SLC35F4: variants seen among roughly 807,000 people sequenced by gnomAD.
SLC35F4 encodes solute carrier family 35 member F4.
In SLC35F4, 24 loss-of-function variants were observed where a neutral mutation model predicts 44.2. That is an observed-to-expected ratio of 0.54 (90% CI 0.39 to 0.76). SLC35F4 has a LOEUF of 0.76. Among genes scored for constraint, SLC35F4 ranks in the 30% least tolerant of loss-of-function variants. SLC35F4 has a pLI of 0.00. For synonymous variants in SLC35F4, 238 were observed against 223.6 expected (o/e 1.06, Z -0.57); for missense variants, 562 against 586.1 (o/e 0.96, Z 0.42).
chr14:57,933,513 T>C (rs1209888561), intron 1 of SLC35F4, among the ~76,000 whole-genome samples: 1 of 152,200 alleles, frequency 6.6e-6, no homozygotes, highest in Non-Finnish European at 1.5e-5. Context: ...TGGATACTGC[T>C]TCTTCTCTTA....
At chr14:57,840,613 C>T (rs561735278) in intron 1 of SLC35F4, among the ~76,000 whole-genome samples, 1 of 152,224 alleles carries the variant, frequency 6.6e-6, no homozygotes, top group South Asian at 2.1e-4. Context: ...CTCTCATCCT[C>T]GTTCATTTTA....
intron 1 of SLC35F4, among the ~76,000 whole-genome samples, chr14:57,796,018 G>C (rs1455176546): frequency 6.6e-6 from 1 of 152,046 alleles, no homozygotes; most frequent in East Asian, 1.9e-4. Context: ...TCAATGTTTA[G>C]CTCCCACTTA....
At chr14:57,823,242 T>G (rs1870860240) in intron 1 of SLC35F4, among the ~76,000 whole-genome samples, 1 of 152,098 alleles carries the variant, frequency 6.6e-6, no homozygotes, top group South Asian at 2.1e-4. Context: ...TAGTCCCTTT[T>G]CTCTCCCCTT....
chr14:57,644,565 G>A (rs532723723), intron 1 of SLC35F4, among the ~76,000 whole-genome samples: 1 of 151,810 alleles, frequency 6.6e-6, no homozygotes, highest in South Asian at 2.1e-4. Context: ...TCTGTAGGTT[G>A]CCTGTTCACT....
At chr14:57,807,965 G>A (rs2140877075) in intron 1 of SLC35F4, among the ~76,000 whole-genome samples, 1 of 151,696 alleles carries the variant, frequency 6.6e-6, no homozygotes, top group African/African-American at 2.4e-5. Context: ...ACGTGTGCAG[G>A]GAAACTGCCC....
At chr14:57,628,379 A>G (rs2072582628) in intron 1 of SLC35F4, among the ~76,000 whole-genome samples, 1 of 140,128 alleles carries the variant, frequency 7.1e-6, no homozygotes, top group Non-Finnish European at 1.5e-5. Context: ...TACATGTGCC[A>G]TGGCAGTTTG....
intron 1 of SLC35F4, among the ~76,000 whole-genome samples, chr14:57,739,622 T>C (rs1242940866): frequency 7.2e-5 from 11 of 152,208 alleles, no homozygotes; most frequent in Non-Finnish European, 1.2e-4. Flanking sequence ...GTGGATTGTG[T>C]TGCAGAATGG....
In SLC35F4 at chr14:57,589,457, C is replaced by A. The variant is rs759827842; in HGVS notation, c.346G>T (p.Ala116Ser). The A allele has an allele frequency of 2.1e-5, 34 of 1,613,626 alleles. No individual in the cohort carries two copies. The East Asian group carries it at 7.4e-4, about 35-fold the overall frequency. ...ATGGACGTGCAGGACAGGCAGCGAGCCTTGATTCTGTTTTCTTGGCTGCTG... is the reference window on the plus strand; with the variant it reads ...ATGGACGTGCAGGACAGGCAGCGAGACTTGATTCTGTTTTCTTGGCTGCTG... ...ENSSQENRIKARCLSCTSMVL... is the reference protein window; with the variant it reads ...ENSSQENRIKSRCLSCTSMVL... The change falls in exon 3 of 8, where the codon GCT (alanine) becomes TCT (serine). Residue 116 changes from alanine (A) to serine (S), a missense_variant. Coordinates refer to ENST00000556826, the MANE Select transcript of SLC35F4 (RefSeq NM_001306087.2).
chr14:57,568,194 C>G (rs944575159), intron 6 of SLC35F4, among the ~76,000 whole-genome samples: 1 of 152,218 alleles, frequency 6.6e-6, no homozygotes, highest in East Asian at 1.9e-4. Flanking sequence ...CTGCTTGGCA[C>G]TGTACCCAGT....
intron 1 of SLC35F4, among the ~76,000 whole-genome samples, chr14:57,884,046 T>G (rs1265096828): frequency 6.6e-6 from 1 of 152,158 alleles, no homozygotes; most frequent in Non-Finnish European, 1.5e-5. Context: ...AGCTTCCAAA[T>G]TATAGCCCCA....
intron 1 of SLC35F4, among the ~76,000 whole-genome samples, chr14:57,703,888 A>T (rs534848746): frequency 6.6e-6 from 1 of 152,180 alleles, no homozygotes; most frequent in African/African-American, 2.4e-5. Flanking sequence ...CCTAAAAAAC[A>T]AAAACAAAAA....
intron 1 of SLC35F4, among the ~76,000 whole-genome samples, chr14:57,783,483 C>A (rs982034338): frequency 1.3e-5 from 2 of 152,152 alleles, no homozygotes; most frequent in Admixed American, 6.6e-5. Flanking sequence ...TGGGCTAACT[C>A]TACTGTTTTG....
At chr14:57,612,638 C>T (rs207474877) in intron 1 of SLC35F4, among the ~76,000 whole-genome samples, 1 of 152,180 alleles carries the variant, frequency 6.6e-6, no homozygotes, top group Non-Finnish European at 1.5e-5. Flanking sequence ...CACTTAGTGG[C>T]TTTTCATAAG....
chr14:57,716,119 T>C (rs1293410539), intron 1 of SLC35F4, among the ~76,000 whole-genome samples: 3 of 152,146 alleles, frequency 2.0e-5, no homozygotes, highest in Non-Finnish European at 4.4e-5. Context: ...AACACCACTG[T>C]GTGCGTGCGG....
chr14:57,714,957 G>A (rs748630477), intron 1 of SLC35F4, among the ~76,000 whole-genome samples: 2 of 152,208 alleles, frequency 1.3e-5, no homozygotes, highest in African/African-American at 4.8e-5. Context: ...ATCTCAGTTC[G>A]TTCAACGGAG....
chr14:57,856,588 T>C (rs1308567095), intron 1 of SLC35F4, among the ~76,000 whole-genome samples: 1 of 152,096 alleles, frequency 6.6e-6, no homozygotes, highest in Non-Finnish European at 1.5e-5. Flanking sequence ...TACCACACTA[T>C]CTACCATCAA....
intron 1 of SLC35F4, among the ~76,000 whole-genome samples, chr14:57,939,652 C>T (rs1375562373): frequency 6.6e-6 from 1 of 152,174 alleles, no homozygotes; most frequent in East Asian, 1.9e-4. Flanking sequence ...CGACTCAATA[C>T]TATCTATGGG....
intron 3 of SLC35F4, among the ~76,000 whole-genome samples, chr14:57,586,636 T>C (rs2069742766): frequency 1.4e-5 from 2 of 139,044 alleles, no homozygotes; most frequent in Admixed American, 8.3e-5. Context: ...GAGAATGTCG[T>C]GAACCCAGGA....
intron 1 of SLC35F4, among the ~76,000 whole-genome samples, chr14:57,906,710 C>T (rs7153713): frequency 0.13 from 19,020 of 152,134 alleles, 1,604 homozygotes; most frequent in African/African-American, 0.24. Flanking sequence ...GGCTAACATC[C>T]GAGCAAACTC....
Sources: gnomAD v4.1 joint callset for allele counts (sites outside exome capture counted in the v4.1 genomes callset) on GRCh38, gnomAD v4.1.1 for gene constraint, MANE v1.5 for transcripts, NCBI Gene and HGNC (gene_info 2026-07-23, HGNC 2026-07-21) for gene names.